The following CD63 variants were observed in gnomAD, a reference collection of about 807,000 sequenced individuals.
The protein encoded by CD63 is CD63 antigen.
In CD63, 16 loss-of-function variants were observed where a neutral mutation model predicts 29.2. The observed-to-expected ratio is 0.55, with a 90% CI of 0.37 to 0.83. The LOEUF is 0.83. CD63 is among the 40% of genes least tolerant of loss of function. The pLI, the probability that CD63 is intolerant of heterozygous loss-of-function variation, is 0.00. For missense variants in CD63, 251 were observed against 297.3 expected (o/e 0.84, Z 1.15); for synonymous variants, 118 against 111.7 (o/e 1.06, Z -0.36).
chr12:55,725,846 T>C lies in CD63; in HGVS notation c.618A>G (p.Val206=). The change falls in exon 7 of 8, where the codon GTA becomes GTG. Residue 206 remains valine, a synonymous_variant. Coordinates refer to ENST00000257857, the MANE Select transcript of CD63 (RefSeq NM_001780.6). ...GGWLRKNVLV[V]AAAALGIAFV... ...AAGCAATTCCAAGGGCTGCTGCAGC[T>C]ACCACCAGCACATTTTTCCTCAGCC... The C allele has an allele frequency of 6.2e-7, 1 of 1,614,040 alleles. No homozygotes were observed. Among genetic ancestry groups the C allele is most frequent in the Non-Finnish European group, 8.5e-7 (1 of 1,179,964 alleles).
At chr12:55,729,132 T>A (rs867030045), upstream of CD63, 11 of 984,914 alleles carry the variant, frequency 1.1e-5, no homozygotes, top group Non-Finnish European at 1.2e-5. Flanking sequence ...AGCTGCGGCC[T>A]GAGTCACTGG....
rs1877693382 is a variant in CD63 at position 55,728,666 on chromosome 12, CCACCCAA to C, written c.-12+280_-12+286del. ...TCTCCGGGCGTCAAACACCCTTTCC[CCACCCAA>C]CACCCAGCCTGGAGAAACGGTCTTC... On this transcript the variant is annotated intron_variant, in intron 1 of 7. Transcript: ENST00000257857. The surrounding 1 kb of genome is among the most constrained non-coding windows in gnomAD (Gnocchi z 4.8). 1 of 1,230,342 alleles carries C rather than the reference CCACCCAA, an allele frequency of 8.1e-7. No individual in the cohort carries two copies. The highest frequency in any genetic ancestry group is 1.6e-5 in the African/African-American group (1 of 62,850). The allele number at this position is 1,230,342 out of a possible 1,614,324, so 76.2% of individuals were successfully genotyped here. A position where few individuals can be genotyped will look rare whatever the true frequency, so the allele number is the denominator to read the frequency against.
chr12:55,728,758 C>CAA lies in CD63; in HGVS notation c.-12+193_-12+194dup, dbSNP rs547401184. On this transcript the variant is annotated intron_variant, in intron 1 of 7. Transcript: ENST00000257857. The surrounding 1 kb of genome is among the most constrained non-coding windows in gnomAD (Gnocchi z 4.8). ...CCTGGGCTCTGACCTCCCCGCCCACCAAAAAAAAAAAAAGTGCAGCCAGCA... is the reference window on the plus strand; with the variant it reads ...CCTGGGCTCTGACCTCCCCGCCCACCAAAAAAAAAAAAAAAGTGCAGCCAGCA... 1,031 of 853,030 alleles carry CAA rather than the reference C, an allele frequency of 1.2e-3. No homozygotes were observed. Among genetic ancestry groups the CAA allele is most frequent in the Middle Eastern group, 1.8e-3 (3 of 1,700 alleles). 52.8% of individuals were successfully genotyped at this position (853,030 alleles called of 1,614,324 possible).
chr12:55,726,740 T>G lies in CD63; in HGVS notation c.386A>C (p.Asn129Thr), dbSNP rs1377343585. 6.2e-7 allele frequency: 1 copy of G among 1,614,024 alleles called. No individual in the cohort carries two copies. Among genetic ancestry groups the G allele is most frequent in the Non-Finnish European group, 8.5e-7 (1 of 1,179,958 alleles). Reference protein sequence around the residue: ...FRQQMENYPKNNHTASILDRM... With the variant: ...FRQQMENYPKTNHTASILDRM... The stretch of plus-strand genomic sequence containing the variant: ...GTCCAGGATCGAAGCAGTGTGGTTG[T>G]TTTTCGGGTAATTCTCCATCTGCTG... Residue 129 changes from asparagine (N) to threonine (T), a missense_variant, in exon 5 of 8, where the codon AAC becomes ACC. Transcript: ENST00000257857.
intron 6 of CD63, 101 bp downstream of exon 6, chr12:55,726,020 T>A: frequency 6.7e-7 from 1 of 1,488,028 alleles, no homozygotes; most frequent in Non-Finnish European, 9.3e-7. Flanking sequence ...CATTTCCAGA[T>A]CCCCTCCCCA....
Position 55,727,133 on chromosome 12 carries a change from G to A in CD63, c.255+18C>T. The A allele has an allele frequency of 1.2e-6, 2 of 1,608,314 alleles. No homozygotes were observed. Among genetic ancestry groups the A allele is most frequent in the South Asian group, 1.1e-5 (1 of 90,508 alleles). On this transcript the variant is annotated intron_variant, in intron 3 of 7. Transcript: ENST00000257857. ...TGGCAGTCCCAGACCGCCCATGTTG[G>A]TCCCGCCCCCAACTCACCGTGATCA...
In CD63 at chr12:55,726,206, G is replaced by C. The variant is rs11574657; in HGVS notation, c.482C>G (p.Ser161Trp). 2.5e-6 allele frequency: 4 copies of C among 1,613,736 alleles called. No homozygotes were observed. The highest frequency in any genetic ancestry group is 3.4e-6 in the Non-Finnish European group (4 of 1,179,952). ...GCAGGAGTCGGGGACTCGGTTCTTC[G>C]ACATGGAAGGGATTTTCTCCCAATC... ...YTDWEKIPSM[S>W]KNRVPDSCCI... is the part of the protein sequence containing the mutation. The change falls in exon 6 of 8, where the codon TCG becomes TGG. Residue 161 changes from serine to tryptophan, a missense_variant. Transcript: ENST00000257857.
chr12:55,723,744 C>G, downstream of CD63: 1 of 927,114 alleles, frequency 1.1e-6, no homozygotes, highest in Non-Finnish European at 1.7e-6. Flanking sequence ...CCCACTTGAC[C>G]CTTGTCCCGG....
Position 55,728,878 on chromosome 12 carries a change from C to T in CD63, c.-12+75G>A. 1.0e-6 allele frequency: 1 copy of T among 988,790 alleles called. No individual in the cohort carries two copies. The highest frequency in any genetic ancestry group is 1.2e-6 in the Non-Finnish European group (1 of 831,782). 61.3% of individuals were successfully genotyped at this position (988,790 alleles called of 1,614,324 possible). Reference sequence around the variant, plus strand: ...CGGACGAGTCTCCGCGGGCCTGGGGCGAGCCCTGGAGGAAGGGACTGCGGG... The same window carrying T: ...CGGACGAGTCTCCGCGGGCCTGGGGTGAGCCCTGGAGGAAGGGACTGCGGG... On this transcript the variant is annotated intron_variant, in intron 1 of 7. Transcript: ENST00000257857. The surrounding 1 kb of genome is among the most constrained non-coding windows in gnomAD (Gnocchi z 4.8).
At chr12:55,727,037 C>T (rs766792430) in intron 3 of CD63, 73 bp from the exon 4 acceptor site, 4 of 1,571,798 alleles carry the variant, frequency 2.5e-6, no homozygotes, top group Admixed American at 1.7e-5. Flanking sequence ...ACAGCCGGTC[C>T]CTGGACACTC....
rs748271186 is a variant in CD63 at position 55,727,138 on chromosome 12, G to GC, written c.255+12dup. ...GTCCCAGACCGCCCATGTTGGTCCC[G>GC]CCCCCAACTCACCGTGATCATAAGA... is the stretch of plus-strand genomic sequence containing the variant. On this transcript the variant is annotated intron_variant, in intron 3 of 7. Transcript: ENST00000257857. 1.0e-5 allele frequency: 16 copies of GC among 1,604,504 alleles called. No homozygotes were observed. In the East Asian group the frequency reaches 1.1e-4, roughly 11 times the overall value.
At position 55,727,259 on chromosome 12, in the gene CD63, A is replaced by C. The variant is rs757540937; in HGVS notation, c.147T>G (p.Pro49=). Residue 49 remains proline, a synonymous_variant, in exon 3 of 8, where the codon CCT becomes CCG. Transcript: ENST00000257857. ...TGATGACCACTGGCAACAGAGAGCC[A>C]GGGGTAGCCCCCTGGATTATGGTCT... ...LSQTIIQGAT[P]GSLLPVVIIA... 2.1e-5 allele frequency: 34 copies of C among 1,613,890 alleles called. No homozygotes were observed. Among genetic ancestry groups the C allele is most frequent in the Non-Finnish European group, 2.9e-5 (34 of 1,179,978 alleles).
At chr12:55,725,935 A>C (rs762202140) in intron 6 of CD63, 39 bp from the exon 7 acceptor site, 8 of 1,595,782 alleles carry the variant, frequency 5.0e-6, no homozygotes, top group Admixed American at 1.7e-5. Context: ...GCACCATCAG[A>C]AACTTCCCAC....
Position 55,728,608 on chromosome 12 carries a change from G to C in CD63, c.-11-256C>G. ...GACAGATCCAAGGGCGCCGGCAGGGGCTTGAGCCTGACGCCGACCCTCGGC... is the reference window on the plus strand; with the variant it reads ...GACAGATCCAAGGGCGCCGGCAGGGCCTTGAGCCTGACGCCGACCCTCGGC... On this transcript the variant is annotated intron_variant, in intron 1 of 7. Transcript: ENST00000257857. The surrounding 1 kb of genome is among the most constrained non-coding windows in gnomAD (Gnocchi z 4.8). 1 of 1,347,274 alleles carries C rather than the reference G, an allele frequency of 7.4e-7. No homozygotes were observed. The allele number at this position is 1,347,274 out of a possible 1,614,324, so 83.5% of individuals were successfully genotyped here. A position where few individuals can be genotyped will look rare whatever the true frequency, so the allele number is the denominator to read the frequency against.
In CD63 at chr12:55,725,545, TGAG is replaced by T; in HGVS notation, c.*13_*15del. ...ATTCCACTCCCCCAGATGAGGAGGC[TGAG>T]GAGACCAGACCCCTACATCACCTCG... is the stretch of plus-strand genomic sequence containing the variant. On this transcript the variant is annotated 3_prime_UTR_variant, in exon 8 of 8. Coordinates refer to ENST00000257857, the MANE Select transcript of CD63 (RefSeq NM_001780.6). 1 of 1,605,642 alleles carries T rather than the reference TGAG, an allele frequency of 6.2e-7. No homozygotes were observed. Among genetic ancestry groups the T allele is most frequent in the Non-Finnish European group, 8.5e-7 (1 of 1,172,292 alleles).
intron 3 of CD63, 35 bp downstream of exon 3, chr12:55,727,114 TCC>T: frequency 6.3e-7 from 1 of 1,599,910 alleles, no homozygotes; most frequent in Non-Finnish European, 8.5e-7. Flanking sequence ...GCTCTGGCAG[TCC>T]CAGACCGCCC....
At chr12:55,727,862 ACC>A (rs1042956655) in intron 2 of CD63, 12 of 1,057,018 alleles carry the variant, frequency 1.1e-5, no homozygotes, top group Middle Eastern at 4.3e-4. Context: ...GCCCTTCCTC[ACC>A]CCCAAGCGCT....
At chr12:55,726,634 C>T (rs1285918976) in intron 5 of CD63, 66 bp downstream of exon 5, 10 of 1,301,678 alleles carry the variant, frequency 7.7e-6, no homozygotes, top group Non-Finnish European at 1.0e-5. Context: ...CGTGAGTCAC[C>T]ACACCCAGCC....
intron 2 of CD63, chr12:55,727,922 G>GGGAGGGAGAGAGGGGA (rs1371815516): frequency 1.7e-6 from 2 of 1,166,446 alleles, no homozygotes; most frequent in African/African-American, 3.2e-5. Context: ...GAGAGGGTTG[G>GGGAGGGAGAGAGGGGA]GGAGGGAGAG....
Sources: allele counts gnomAD v4.1 joint callset, GRCh38; gene constraint gnomAD v4.1.1; non-coding constraint Gnocchi (gnomAD v3.1); transcripts MANE v1.5; gene names NCBI Gene and HGNC (gene_info 2026-07-23, HGNC 2026-07-21).